PARD3: variants seen among roughly 807,000 people sequenced by gnomAD.
PARD3 encodes partitioning defective 3 homolog.
PARD3 carries 75 observed loss-of-function variants against 155.4 expected under a neutral mutation model. The observed-to-expected ratio is 0.48, with a 90% CI of 0.40 to 0.58. The LOEUF (loss-of-function observed/expected upper bound fraction) is 0.58. PARD3 is among the 20% of genes least tolerant of loss of function. The pLI is 0.00. For missense variants in PARD3, 1,642 were observed against 1,721.7 expected, an observed-to-expected ratio of 0.95 and a Z score of 0.82; for synonymous variants, 576 against 610.5, an observed-to-expected ratio of 0.94 and a Z score of 0.83.
At chr10:34,156,262 TA>T (rs1949000667) in intron 22 of PARD3, among the ~76,000 whole-genome samples, 2 of 152,192 alleles carry the variant, frequency 1.3e-5, no homozygotes, top group Non-Finnish European at 2.9e-5. Flanking sequence ...TACAAGCCAC[TA>T]ATTTTTTCAT....
At chr10:34,147,764 G>A (rs1170985873) in intron 22 of PARD3, among the ~76,000 whole-genome samples, 1 of 151,972 alleles carries the variant, frequency 6.6e-6, no homozygotes, top group African/African-American at 2.4e-5. Context: ...TGAAAGGGCT[G>A]GGAAAACAGA....
rs191543446 is a variant in PARD3, at chr10:34,394,082, C to T, written c.890+5248G>A. 2.7e-3 allele frequency among the ~76,000 whole-genome samples: 415 copies of T among 152,138 alleles called. 2 individuals are homozygous for T. The highest frequency in any genetic ancestry group is 9.4e-3 in the African/African-American group (391 of 41,526). On this transcript the variant is annotated intron_variant, in intron 7 of 24. Coordinates refer to ENST00000374788, the MANE Select transcript of PARD3 (RefSeq NM_001184785.2). Reference sequence around the variant, plus strand: ...CGATCTCTTGACTTCATGATCCGCCCGCCTCAGCCTCCCAAAGTGCTAGGA... The same window carrying T: ...CGATCTCTTGACTTCATGATCCGCCTGCCTCAGCCTCCCAAAGTGCTAGGA...
rs541423102 is a variant in PARD3 at position 34,181,612 on chromosome 10, A to G, written c.3420-50029T>C. Among the ~76,000 whole-genome samples the G allele has an allele frequency of 9.2e-5, 14 of 152,244 alleles. No individual in the cohort carries two copies. In the Middle Eastern group the frequency reaches 0.024, roughly 259 times the overall value. On this transcript the variant is annotated intron_variant, in intron 22 of 24. Coordinates refer to ENST00000374788, the MANE Select transcript of PARD3 (RefSeq NM_001184785.2). ...TGAGTAGATACATACACAGTTTTCT[A>G]TTCTTAATATTTACAAATTTCCTCT... is the stretch of plus-strand genomic sequence containing the variant.
At chr10:34,238,263 A>C (rs948692849) in intron 22 of PARD3, among the ~76,000 whole-genome samples, 2 of 152,184 alleles carry the variant, frequency 1.3e-5, no homozygotes. Context: ...TTGGCAACAG[A>C]CTGTAGTATC....
chr10:34,327,820 G>A (rs59530683), intron 19 of PARD3, among the ~76,000 whole-genome samples: 4,096 of 152,268 alleles, frequency 0.027, 176 homozygotes, highest in African/African-American at 0.094. Flanking sequence ...AGCTGTAACT[G>A]AGTTGGACCA....
At chr10:34,687,955 A>G (rs2093980162) in intron 2 of PARD3, among the ~76,000 whole-genome samples, 1 of 145,472 alleles carries the variant, frequency 6.9e-6, no homozygotes, top group African/African-American at 2.5e-5. Context: ...CACAGGCTCA[A>G]TGCGATCCTC....
At chr10:34,512,867 T>C (rs552253362) in intron 3 of PARD3, among the ~76,000 whole-genome samples, 95 of 152,256 alleles carry the variant, frequency 6.2e-4, no homozygotes, top group Non-Finnish European at 1.3e-3. Context: ...TTCCCATCTC[T>C]TTCATCCTGT....
intron 3 of PARD3, among the ~76,000 whole-genome samples, chr10:34,505,457 G>A (rs548103599): frequency 3.9e-5 from 6 of 152,276 alleles, no homozygotes; most frequent in Admixed American, 3.3e-4. Context: ...GGTTTTGAAT[G>A]ATACAGAGAG....
chr10:34,444,174 T>C (rs2132694182), intron 5 of PARD3, among the ~76,000 whole-genome samples: 1 of 152,306 alleles, frequency 6.6e-6, no homozygotes, highest in Non-Finnish European at 1.5e-5. Context: ...GCCTCTCTGC[T>C]GTTTCTGCTA....
intron 14 of PARD3, among the ~76,000 whole-genome samples, chr10:34,357,666 G>C (rs1275675139): frequency 6.6e-6 from 1 of 152,146 alleles, no homozygotes; most frequent in East Asian, 1.9e-4. Flanking sequence ...TGAGGGATTA[G>C]CTTTTATATT....
At chr10:34,180,772 C>T (rs534798257) in intron 22 of PARD3, among the ~76,000 whole-genome samples, 17 of 152,212 alleles carry the variant, frequency 1.1e-4, no homozygotes, top group African/African-American at 3.6e-4. Flanking sequence ...CAACTGCCCT[C>T]GTGTCTTGCT....
intron 1 of PARD3, among the ~76,000 whole-genome samples, chr10:34,768,401 C>CGAAGCAAAGGCGGGACAACTG (rs1838400931): frequency 7.0e-6 from 1 of 142,424 alleles, no homozygotes; most frequent in Non-Finnish European, 1.6e-5. Flanking sequence ...CGGGACAACT[C>CGAAGCAAAGGCGGGACAACTG]GAAGCAAAGG....
At chr10:34,712,075 T>C (rs1382830001) in intron 1 of PARD3, among the ~76,000 whole-genome samples, 1 of 152,108 alleles carries the variant, frequency 6.6e-6, no homozygotes, top group Non-Finnish European at 1.5e-5. Flanking sequence ...TAAGCCCCGA[T>C]AAATATCTTA....
At chr10:34,697,186 A>T (rs2094190891) in intron 1 of PARD3, among the ~76,000 whole-genome samples, 3 of 152,182 alleles carry the variant, frequency 2.0e-5, no homozygotes, top group African/African-American at 7.2e-5. Flanking sequence ...TCTGCTTTCA[A>T]ATGATCTGAA....
intron 22 of PARD3, among the ~76,000 whole-genome samples, chr10:34,165,714 G>C (rs1588988596): frequency 6.6e-6 from 1 of 152,144 alleles, no homozygotes; most frequent in African/African-American, 2.4e-5. Flanking sequence ...GCTCTCCTTT[G>C]TTGACTAAAA....
intron 2 of PARD3, among the ~76,000 whole-genome samples, chr10:34,652,842 A>G (rs192839553): frequency 3.8e-4 from 58 of 152,338 alleles, no homozygotes; most frequent in East Asian, 1.3e-3. Flanking sequence ...AGGAGCTTAC[A>G]TATAAAGTTA....
At chr10:34,354,451 T>C (rs1427873766) in intron 14 of PARD3, among the ~76,000 whole-genome samples, 1 of 151,084 alleles carries the variant, frequency 6.6e-6, no homozygotes. Context: ...CAGGCCTGGG[T>C]TGGATACCAG....
intron 22 of PARD3, among the ~76,000 whole-genome samples, chr10:34,179,168 GCACA>G (rs72378504): frequency 0.015 from 1,397 of 94,560 alleles, 10 homozygotes; most frequent in Middle Eastern, 0.026. Context: ...GTGCGTGCGC[GCACA>G]CACACACACA....
intron 22 of PARD3, among the ~76,000 whole-genome samples, chr10:34,249,061 T>C (rs1280908079): frequency 6.6e-6 from 1 of 152,172 alleles, no homozygotes; most frequent in Non-Finnish European, 1.5e-5. Context: ...AGAAATCTAG[T>C]GGTAAGGGAG....
Sources: gnomAD v4.1 joint callset for allele counts (sites outside exome capture counted in the v4.1 genomes callset) on GRCh38, gnomAD v4.1.1 for gene constraint, MANE v1.5 for transcripts, NCBI Gene and HGNC (gene_info 2026-07-23, HGNC 2026-07-21) for gene names.